The following CACNA1C variants were observed in gnomAD, a reference collection of about 807,000 sequenced individuals.
CACNA1C encodes calcium voltage-gated channel subunit alpha1 C.
CACNA1C carries 30 observed loss-of-function variants against 229.0 expected under a neutral mutation model. The observed-to-expected ratio is 0.13, with a 90% CI of 0.10 to 0.18. The LOEUF (loss-of-function observed/expected upper bound fraction) is 0.18, where lower values mean the gene tolerates loss of function less well. Among genes scored for constraint, CACNA1C ranks in the 10% least tolerant of loss-of-function variants. CACNA1C has a pLI of 1.00. For synonymous variants in CACNA1C, 1,114 were observed against 1,132.5 expected (o/e 0.98, Z 0.33); for missense variants, 1,658 against 2,845.0 (o/e 0.58, Z 9.49).
Position 2,566,196 on chromosome 12 carries a change from C to T in CACNA1C, c.1509-226C>T, listed in dbSNP as rs764061299. Among the ~76,000 whole-genome samples, 1 of 152,296 alleles carries T rather than the reference C, an allele frequency of 6.6e-6. No individual in the cohort carries two copies. The highest frequency in any genetic ancestry group is 3.4e-3 in the Middle Eastern group (1 of 294). The stretch of plus-strand genomic sequence containing the variant: ...CATCCCCACAATAACCCCATGAGGT[C>T]GGCCCTCTTCCCGGGAGAACTGAAG... On this transcript the variant is annotated intron_variant, in intron 11 of 46. Coordinates refer to ENST00000399655, the MANE Select transcript of CACNA1C (RefSeq NM_000719.7). This position sits in a 1 kb window ranked among gnomAD's most constrained non-coding sequence, Gnocchi z 4.0.
rs568651616 is a variant in CACNA1C at position 2,543,141 on chromosome 12, C to A, written c.1391-6802C>A. On this transcript the variant is annotated intron_variant, in intron 9 of 46. Coordinates refer to ENST00000399655, the MANE Select transcript of CACNA1C (RefSeq NM_000719.7). ...GAGAAACACATTTGGTCCATAGCAC[C>A]TGGTAAGAGGGAGGTTAGAAAATCG... 3.9e-5 allele frequency among the ~76,000 whole-genome samples: 6 copies of A among 152,316 alleles called. No individual in the cohort carries two copies. The South Asian group carries it at 1.2e-3, about 32-fold the overall frequency.
intron 43 of CACNA1C, among the ~76,000 whole-genome samples, chr12:2,684,359 G>T (rs548524509): frequency 6.6e-6 from 1 of 152,062 alleles, no homozygotes; most frequent in Middle Eastern, 3.2e-3. Flanking sequence ...AGTGAAACAC[G>T]GTCAATATAA....
At chr12:2,672,567 G>A (rs1219271053) in intron 38 of CACNA1C, among the ~76,000 whole-genome samples, 1 of 152,176 alleles carries the variant, frequency 6.6e-6, no homozygotes, top group African/African-American at 2.4e-5. Context: ...GGCTGTGGAT[G>A]ATGCCTGGTG....
intron 1 of CACNA1C, among the ~76,000 whole-genome samples, chr12:2,114,507 T>C (rs2083052894): frequency 6.6e-6 from 1 of 152,174 alleles, no homozygotes; most frequent in Non-Finnish European, 1.5e-5. Context: ...AAAAGGGATG[T>C]CAGATATAAA....
At chr12:2,294,933 A>G (rs1170527272) in intron 3 of CACNA1C, among the ~76,000 whole-genome samples, 1 of 152,088 alleles carries the variant, frequency 6.6e-6, no homozygotes, top group Non-Finnish European at 1.5e-5. Context: ...TCAGTGAAGC[A>G]ATGCTGTGCG....
At chr12:2,266,620 G>A (rs1053463011) in intron 3 of CACNA1C, among the ~76,000 whole-genome samples, 1 of 152,212 alleles carries the variant, frequency 6.6e-6, no homozygotes, top group Admixed American at 6.5e-5. Flanking sequence ...CCTGGCTCTG[G>A]TTTGGTAAGT....
chr12:2,428,994 G>A (rs2099058163), intron 3 of CACNA1C, among the ~76,000 whole-genome samples: 1 of 152,200 alleles, frequency 6.6e-6, no homozygotes, highest in Admixed American at 6.5e-5. Context: ...CTGGAGGCCA[G>A]AAGTCTGAAA....
In CACNA1C at chr12:2,696,305, C is replaced by A. The variant is rs2097842226; in HGVS notation, c.*5106C>A. The A allele has an allele frequency of 6.6e-6, 1 of 152,064 alleles. No homozygotes were observed. The highest frequency in any genetic ancestry group is 2.4e-5 in the African/African-American group (1 of 41,382). The allele number at this position is 152,064 out of a possible 1,614,324, so 9.4% of individuals were successfully genotyped here. A position where few individuals can be genotyped will look rare whatever the true frequency, so the allele number is the denominator to read the frequency against. On this transcript the variant is annotated 3_prime_UTR_variant, in exon 47 of 47. Transcript: ENST00000399655. The stretch of plus-strand genomic sequence containing the variant: ...GAATTAGCATTTTTCATGAAAGTTC[C>A]CCACGTCTCTACTAAGAATGAGGAA...
At chr12:1,990,267 T>C (rs997275415) in intron 1 of CACNA1C, among the ~76,000 whole-genome samples, 9 of 152,192 alleles carry the variant, frequency 5.9e-5, no homozygotes, top group African/African-American at 2.2e-4. Flanking sequence ...ACAGTAAATG[T>C]TTGTTGAATA....
At chr12:1,999,179 G>A (rs1356486023) in intron 1 of CACNA1C, among the ~76,000 whole-genome samples, 1 of 152,202 alleles carries the variant, frequency 6.6e-6, no homozygotes, top group Non-Finnish European at 1.5e-5. Flanking sequence ...TCAGCAATCT[G>A]GGTTTTATTA....
chr12:2,531,412 C>A (rs1175563263), intron 9 of CACNA1C, among the ~76,000 whole-genome samples: 1 of 152,162 alleles, frequency 6.6e-6, no homozygotes, highest in Non-Finnish European at 1.5e-5. Context: ...CCTAAACAAC[C>A]CTTTCCTCTC....
chr12:2,432,682 A>T (rs1317029366), intron 3 of CACNA1C, among the ~76,000 whole-genome samples: 3 of 152,146 alleles, frequency 2.0e-5, no homozygotes, highest in Non-Finnish European at 4.4e-5. Flanking sequence ...TCTTCTTTTT[A>T]AAAAATGGAG....
At position 2,182,410 on chromosome 12, in the gene CACNA1C, G is replaced by T. The variant is rs572358419; in HGVS notation, c.477+61980G>T. 1.8e-4 allele frequency among the ~76,000 whole-genome samples: 27 copies of T among 151,824 alleles called. No homozygotes were observed. In the South Asian group the frequency reaches 2.5e-3, roughly 14 times the overall value. On this transcript the variant is annotated intron_variant, in intron 3 of 46. Coordinates refer to ENST00000399655, the MANE Select transcript of CACNA1C (RefSeq NM_000719.7). ...CCTTTCCCAAATCTCTCCTTATGGG[G>T]TTTTTTTCCCCCTCCTAAACCACCT... is the stretch of plus-strand genomic sequence containing the variant.
At chr12:2,652,126 C>T (rs536808989) in intron 32 of CACNA1C, among the ~76,000 whole-genome samples, 1 of 152,352 alleles carries the variant, frequency 6.6e-6, no homozygotes, top group East Asian at 1.9e-4. Flanking sequence ...CGGGCCTGGA[C>T]AACCTGGTGA....
chr12:1,991,982 C>T (rs2039536365), intron 1 of CACNA1C: 2 of 220,288 alleles, frequency 9.1e-6, no homozygotes, highest in Non-Finnish European at 2.0e-5. Flanking sequence ...CTAATAATCT[C>T]AAAAAAAACC....
rs1409385994 is a variant in CACNA1C, at chr12:2,152,033, T to C, written c.477+31603T>C. Among the ~76,000 whole-genome samples, 1 of 152,196 alleles carries C rather than the reference T, an allele frequency of 6.6e-6. No homozygotes were observed. The highest frequency in any genetic ancestry group is 2.4e-5 in the African/African-American group (1 of 41,446). On this transcript the variant is annotated intron_variant, in intron 3 of 46. Coordinates refer to ENST00000399655, the MANE Select transcript of CACNA1C (RefSeq NM_000719.7). This position sits in a 1 kb window ranked among gnomAD's most constrained non-coding sequence, Gnocchi z 4.2. ...CTGGCGTTTTTAGTGCCTTGACTAGTGTGAGAAACTTGAAACTCAGTCTCA... is the reference window on the plus strand; with the variant it reads ...CTGGCGTTTTTAGTGCCTTGACTAGCGTGAGAAACTTGAAACTCAGTCTCA...
intron 3 of CACNA1C, among the ~76,000 whole-genome samples, chr12:2,364,979 G>T (rs2097685905): frequency 6.6e-6 from 1 of 152,238 alleles, no homozygotes; most frequent in Non-Finnish European, 1.5e-5. Flanking sequence ...GGAAGCAACA[G>T]CCCCTGCCTG....
intron 3 of CACNA1C, among the ~76,000 whole-genome samples, chr12:2,399,730 G>T (rs1462824055): frequency 6.6e-6 from 1 of 152,200 alleles, no homozygotes; most frequent in Non-Finnish European, 1.5e-5. Context: ...TTTCATTTAG[G>T]GCCATGGGTC....
rs2090635557 is a variant in CACNA1C, at chr12:2,632,010, G to A, written c.3829-2287G>A. Among the ~76,000 whole-genome samples the A allele has an allele frequency of 6.6e-6, 1 of 151,916 alleles. No individual in the cohort carries two copies. The highest frequency in any genetic ancestry group is 1.5e-5 in the Non-Finnish European group (1 of 67,998). On this transcript the variant is annotated intron_variant, in intron 29 of 46. Coordinates refer to ENST00000399655, the MANE Select transcript of CACNA1C (RefSeq NM_000719.7). This position sits in a 1 kb window ranked among gnomAD's most constrained non-coding sequence, Gnocchi z 4.1. ...TGTGAGTAAAAAATGAAGAGGAAAA[G>A]TTGGCAGCCTTCAAGTGAGCTGGGG...
Sources: allele counts gnomAD v4.1 joint callset (sites outside exome capture counted in the v4.1 genomes callset), GRCh38; gene constraint gnomAD v4.1.1; non-coding constraint Gnocchi (gnomAD v3.1); transcripts MANE v1.5; gene names NCBI Gene and HGNC (gene_info 2026-07-23, HGNC 2026-07-21).